Variants in MEF2A observed in about 807,000 individuals in gnomAD.
MEF2A encodes the protein myocyte enhancer factor 2A, also known as myocyte-specific enhancer factor 2A.
A neutral mutation model predicts 55.8 loss-of-function variants in MEF2A; 28 were observed. That is an observed-to-expected ratio of 0.50 (90% CI 0.37 to 0.69). MEF2A has a LOEUF of 0.69. Ranked by LOEUF, MEF2A falls within the 30% of genes least tolerant of loss-of-function variation. The pLI is 0.00. For synonymous variants in MEF2A, 239 were observed against 227.1 expected (o/e 1.05, Z -0.47); for missense variants, 528 against 626.2 (o/e 0.84, Z 1.67).
rs1247449640 is a variant in MEF2A at position 99,716,250 on chromosome 15, C to T, written c.*3479C>T. 6.0e-6 allele frequency: 2 copies of T among 332,004 alleles called. No homozygotes were observed. Among genetic ancestry groups the T allele is most frequent in the Admixed American group, 8.0e-5 (2 of 24,866 alleles). The allele number at this position is 332,004 out of a possible 1,614,324, so 20.6% of individuals were successfully genotyped here. ...AACAGTTCACACAAGAAGCTGTACACGGTTTGATCATGTAAAACCGTTTGG... is the reference window on the plus strand; with the variant it reads ...AACAGTTCACACAAGAAGCTGTACATGGTTTGATCATGTAAAACCGTTTGG... On this transcript the variant is annotated 3_prime_UTR_variant, in exon 12 of 12. Transcript: ENST00000557942.
chr15:99,690,979 G>C (rs2055317165), intron 8 of MEF2A, among the ~76,000 whole-genome samples: 1 of 152,074 alleles, frequency 6.6e-6, no homozygotes, highest in Admixed American at 6.6e-5. Flanking sequence ...CCAACAAATA[G>C]AAAGGATAAA....
intron 1 of MEF2A, among the ~76,000 whole-genome samples, chr15:99,574,183 C>T (rs1323452420): frequency 6.6e-6 from 1 of 152,156 alleles, no homozygotes; most frequent in Non-Finnish European, 1.5e-5. Context: ...CGTTCTTGCT[C>T]TCTTTTTATA....
At chr15:99,616,396 T>C (rs2040197830) in intron 2 of MEF2A, among the ~76,000 whole-genome samples, 1 of 152,304 alleles carries the variant, frequency 6.6e-6, no homozygotes, top group East Asian at 1.9e-4. Context: ...CTGTAATCAC[T>C]CTGTCCTTTA....
At chr15:99,657,732 G>C (rs998003508) in intron 4 of MEF2A, among the ~76,000 whole-genome samples, 2 of 151,962 alleles carry the variant, frequency 1.3e-5, no homozygotes, top group Non-Finnish European at 2.9e-5. Flanking sequence ...CTTTAAACTG[G>C]GGCCTTAAGA....
At chr15:99,589,471 A>C (rs1968521216) in intron 1 of MEF2A, among the ~76,000 whole-genome samples, 1 of 151,760 alleles carries the variant, frequency 6.6e-6, no homozygotes, top group African/African-American at 2.4e-5. Context: ...ACTTTAATTG[A>C]TTTTATCTAG....
chr15:99,703,909 G>A (rs1374883400), intron 9 of MEF2A, among the ~76,000 whole-genome samples: 1 of 152,174 alleles, frequency 6.6e-6, no homozygotes. Flanking sequence ...AATTGAATGT[G>A]TATATAAGTT....
At chr15:99,688,758 AAAGT>A (rs913721495) in intron 7 of MEF2A, among the ~76,000 whole-genome samples, 11 of 89,952 alleles carry the variant, frequency 1.2e-4, no homozygotes, top group East Asian at 3.6e-4. Flanking sequence ...CTCCGTCTGA[AAAGT>A]AAATAAATAA....
intron 3 of MEF2A, among the ~76,000 whole-genome samples, chr15:99,643,753 G>A (rs1359124308): frequency 2.6e-5 from 4 of 151,832 alleles, no homozygotes; most frequent in Non-Finnish European, 1.5e-5. Context: ...CACCACGCCC[G>A]GCTAATTTTT....
intron 6 of MEF2A, 119 bp downstream of exon 6, chr15:99,674,731 G>A (rs780615322): frequency 1.1e-4 from 87 of 815,886 alleles, no homozygotes; most frequent in South Asian, 2.6e-4. Flanking sequence ...AAGAATCACT[G>A]ATACATAATT....
At chr15:99,602,218 G>A (rs1199962223) in intron 2 of MEF2A, among the ~76,000 whole-genome samples, 2 of 152,136 alleles carry the variant, frequency 1.3e-5, no homozygotes, top group Non-Finnish European at 2.9e-5. Context: ...AGAGATCAGT[G>A]CGTGGTTTGA....
Position 99,585,737 on chromosome 15 carries a change from A to G in MEF2A, c.-224-12693A>G, listed in dbSNP as rs148981418. Among the ~76,000 whole-genome samples the G allele has an allele frequency of 5.8e-4, 88 of 152,324 alleles. 1 individual carries two copies. The highest frequency in any genetic ancestry group is 1.9e-3 in the African/African-American group (81 of 41,584). On this transcript the variant is annotated intron_variant, in intron 1 of 11. Coordinates refer to ENST00000557942, the MANE Select transcript of MEF2A (RefSeq NM_001319206.4). ...TCACAACTGAACTTACGAGGTATAGATATTACACCATTTATAGATGAGGAA... is the reference window on the plus strand; with the variant it reads ...TCACAACTGAACTTACGAGGTATAGGTATTACACCATTTATAGATGAGGAA...
chr15:99,626,260 T>C (rs1400785140), intron 2 of MEF2A, among the ~76,000 whole-genome samples: 1 of 152,274 alleles, frequency 6.6e-6, no homozygotes, highest in African/African-American at 2.4e-5. Flanking sequence ...TATAGCTGTT[T>C]ATAAGTACCC....
At chr15:99,690,666 A>G (rs1450986016) in intron 8 of MEF2A, 1 of 601,162 alleles carries the variant, frequency 1.7e-6, no homozygotes, top group Non-Finnish European at 3.1e-6. Flanking sequence ...CGTGGTTGGA[A>G]CTGGAGGTTA....
chr15:99,700,809 C>A (rs534205398), intron 8 of MEF2A, among the ~76,000 whole-genome samples: 1 of 151,752 alleles, frequency 6.6e-6, no homozygotes, highest in African/African-American at 2.4e-5. Context: ...TTCCAGTGGC[C>A]AAAACTAGAA....
chr15:99,623,049 A>G (rs1304185439), intron 2 of MEF2A, among the ~76,000 whole-genome samples: 4 of 152,102 alleles, frequency 2.6e-5, no homozygotes, highest in African/African-American at 9.7e-5. Flanking sequence ...TTACACAGTG[A>G]CACCCTCCTC....
intron 2 of MEF2A, among the ~76,000 whole-genome samples, chr15:99,608,023 A>G (rs1975782436): frequency 6.6e-6 from 1 of 152,240 alleles, no homozygotes; most frequent in Admixed American, 6.5e-5. Flanking sequence ...CGAAAATCAA[A>G]TTATAATTCA....
intron 2 of MEF2A, among the ~76,000 whole-genome samples, chr15:99,605,093 G>C (rs142002944): frequency 1.3e-5 from 2 of 152,090 alleles, no homozygotes; most frequent in African/African-American, 4.8e-5. Context: ...CTACAGTCAC[G>C]CATCACCACA....
chr15:99,592,810 C>T (rs993222311), intron 1 of MEF2A, among the ~76,000 whole-genome samples: 2 of 152,066 alleles, frequency 1.3e-5, no homozygotes, highest in African/African-American at 4.8e-5. Context: ...GCTCCCATGA[C>T]CCAAACACCT....
At chr15:99,656,943 C>T (rs1300760977) in intron 4 of MEF2A, among the ~76,000 whole-genome samples, 1 of 152,040 alleles carries the variant, frequency 6.6e-6, no homozygotes, top group Non-Finnish European at 1.5e-5. Flanking sequence ...ACCCAGTACC[C>T]ATTAGCAATC....
Sources: gnomAD v4.1 joint callset for allele counts (sites outside exome capture counted in the v4.1 genomes callset) on GRCh38, gnomAD v4.1.1 for gene constraint, MANE v1.5 for transcripts, NCBI Gene and HGNC (gene_info 2026-07-23, HGNC 2026-07-21) for gene names.